Variants in NKAIN2 observed in about 807,000 individuals in gnomAD.
The protein encoded by NKAIN2 is sodium/potassium transporting ATPase interacting 2, also known as sodium/potassium-transporting ATPase subunit beta-1-interacting protein 2.
NKAIN2 carries 14 observed loss-of-function variants against 32.6 expected under a neutral mutation model. The observed-to-expected ratio is 0.43, with a 90% CI of 0.28 to 0.67. The LOEUF is 0.67. NKAIN2 is among the 30% of genes least tolerant of loss of function. The probability of loss-of-function intolerance (pLI) is 0.17; values close to 1 mark genes in which losing one functional copy is unlikely to be tolerated. For synonymous variants in NKAIN2, 80 were observed against 87.2 expected, an observed-to-expected ratio of 0.92 and a Z score of 0.46; for missense variants, 198 against 258.3, an observed-to-expected ratio of 0.77 and a Z score of 1.60.
intron 1 of NKAIN2, among the ~76,000 whole-genome samples, chr6:124,096,570 C>G (rs942213733): frequency 1.3e-5 from 2 of 152,104 alleles, no homozygotes; most frequent in Admixed American, 6.5e-5. Flanking sequence ...TTCATCTTCC[C>G]CAGGAATTCT....
At chr6:124,342,824 T>TTAG (rs1418682644) in intron 2 of NKAIN2, among the ~76,000 whole-genome samples, 2 of 111,826 alleles carry the variant, frequency 1.8e-5, no homozygotes, top group Non-Finnish European at 3.7e-5. Flanking sequence ...TTTATTATTA[T>TTAG]TATTATTATT....
chr6:123,952,831 G>A (rs1382350250), intron 1 of NKAIN2, among the ~76,000 whole-genome samples: 5 of 151,788 alleles, frequency 3.3e-5, no homozygotes, highest in Non-Finnish European at 5.9e-5. Flanking sequence ...ATCTCACTGA[G>A]CTTTTAAAAT....
At chr6:124,690,704 A>T (rs970999352) in intron 4 of NKAIN2, among the ~76,000 whole-genome samples, 10 of 152,056 alleles carry the variant, frequency 6.6e-5, no homozygotes, top group Admixed American at 6.6e-4. Flanking sequence ...CTTTCTCTAC[A>T]CTGTATCTCA....
intron 1 of NKAIN2, among the ~76,000 whole-genome samples, chr6:124,077,844 A>G (rs1040502273): frequency 1.3e-5 from 2 of 151,854 alleles, no homozygotes; most frequent in Non-Finnish European, 2.9e-5. Flanking sequence ...AAGTGATCCT[A>G]CTGCTTTGGC....
intron 3 of NKAIN2, among the ~76,000 whole-genome samples, chr6:124,553,361 G>A (rs999544727): frequency 6.6e-6 from 1 of 152,186 alleles, no homozygotes; most frequent in Non-Finnish European, 1.5e-5. Flanking sequence ...AGGCTGGAGT[G>A]CAATGGCACA....
At chr6:124,733,540 A>G (rs1313383067) in intron 4 of NKAIN2, among the ~76,000 whole-genome samples, 2 of 151,934 alleles carry the variant, frequency 1.3e-5, no homozygotes, top group Non-Finnish European at 2.9e-5. Flanking sequence ...CATGTTAGCA[A>G]TGTTAGCAAT....
intron 4 of NKAIN2, among the ~76,000 whole-genome samples, chr6:124,755,189 G>A (rs1323855378): frequency 6.6e-6 from 1 of 152,114 alleles, no homozygotes; most frequent in South Asian, 2.1e-4. Context: ...GAGTCCAAAG[G>A]CTGAAGAACC....
chr6:124,284,916 A>C (rs1007044881), intron 2 of NKAIN2, among the ~76,000 whole-genome samples: 1 of 152,180 alleles, frequency 6.6e-6, no homozygotes, highest in African/African-American at 2.4e-5. Context: ...GCAAAAAAAA[A>C]AAATTTGGGC....
intron 4 of NKAIN2, among the ~76,000 whole-genome samples, chr6:124,724,560 C>T (rs1434875635): frequency 6.6e-6 from 1 of 152,128 alleles, no homozygotes; most frequent in Non-Finnish European, 1.5e-5. Flanking sequence ...AGATACTCAT[C>T]TACTTTTCAC....
chr6:124,630,335 T>C (rs575140899), intron 3 of NKAIN2, among the ~76,000 whole-genome samples: 270 of 152,264 alleles, frequency 1.8e-3, no homozygotes, highest in Non-Finnish European at 3.3e-3. Flanking sequence ...TGGTCACAAA[T>C]CTCATTAAGA....
intron 3 of NKAIN2, among the ~76,000 whole-genome samples, chr6:124,606,644 T>TAATAGA (rs1407002973): frequency 6.6e-6 from 1 of 152,108 alleles, no homozygotes; most frequent in Non-Finnish European, 1.5e-5. Flanking sequence ...AGAATAATAA[T>TAATAGA]AATAGAAATG....
intron 1 of NKAIN2, among the ~76,000 whole-genome samples, chr6:123,899,199 A>G (rs905038122): frequency 1.3e-5 from 2 of 152,238 alleles, no homozygotes; most frequent in African/African-American, 2.4e-5. Context: ...ATCCATGACT[A>G]CTGAGTTGTG....
intron 1 of NKAIN2, among the ~76,000 whole-genome samples, chr6:124,155,266 C>T (rs1225907457): frequency 6.6e-6 from 1 of 152,034 alleles, no homozygotes; most frequent in Non-Finnish European, 1.5e-5. Flanking sequence ...TAAGATGACT[C>T]TAGTTAACAT....
At chr6:124,626,079 G>A (rs1355569412) in intron 3 of NKAIN2, among the ~76,000 whole-genome samples, 2 of 132,106 alleles carry the variant, frequency 1.5e-5, no homozygotes, top group East Asian at 4.3e-4. Context: ...ATCTCCTAAT[G>A]CTATCCCTCC....
At chr6:123,858,962 T>C (rs1775670306) in intron 1 of NKAIN2, among the ~76,000 whole-genome samples, 3 of 152,312 alleles carry the variant, frequency 2.0e-5, no homozygotes, top group South Asian at 4.1e-4. Context: ...ATCTTCTTTA[T>C]AAGCACATAT....
chr6:123,859,751 C>A (rs897811180), intron 1 of NKAIN2, among the ~76,000 whole-genome samples: 1 of 152,168 alleles, frequency 6.6e-6, no homozygotes, highest in South Asian at 2.1e-4. Context: ...AGTGCAGTGG[C>A]ACGATCTTGG....
chr6:123,868,749 T>A (rs1772715714), intron 1 of NKAIN2, among the ~76,000 whole-genome samples: 1 of 152,212 alleles, frequency 6.6e-6, no homozygotes, highest in Non-Finnish European at 1.5e-5. Flanking sequence ...TTTAACATCT[T>A]ACACATTTTG....
At chr6:124,352,018 C>G (rs1798756970) in intron 2 of NKAIN2, among the ~76,000 whole-genome samples, 1 of 152,136 alleles carries the variant, frequency 6.6e-6, no homozygotes, top group African/African-American at 2.4e-5. Context: ...TGTGTACTTT[C>G]AAACAGTTGA....
intron 2 of NKAIN2, among the ~76,000 whole-genome samples, chr6:124,331,422 G>A (rs537633683): frequency 6.9e-5 from 10 of 145,844 alleles, no homozygotes; most frequent in East Asian, 2.0e-4. Context: ...CCAACTACAC[G>A]GGAGGCCGAG....
Sources: allele counts gnomAD v4.1 joint callset (sites outside exome capture counted in the v4.1 genomes callset), GRCh38; gene constraint gnomAD v4.1.1; transcripts MANE v1.5; gene names NCBI Gene and HGNC (gene_info 2026-07-23, HGNC 2026-07-21).